Variants in RIN2 observed in about 807,000 individuals in gnomAD.
RIN2 encodes the protein RAB5 interacting protein 2.
A neutral mutation model predicts 78.0 loss-of-function variants in RIN2; 36 were observed. The observed-to-expected ratio is 0.46, with a 90% CI of 0.35 to 0.61. RIN2 has a LOEUF of 0.61. Ranked by LOEUF, RIN2 falls within the 20% of genes least tolerant of loss-of-function variation. RIN2 has a pLI of 0.00. For missense variants in RIN2, 1,087 were observed against 1,159.7 expected (o/e 0.94, Z 0.91); for synonymous variants, 466 against 466.8 (o/e 1.00, Z 0.02).
intron 2 of RIN2, among the ~76,000 whole-genome samples, chr20:19,871,662 C>T (rs1185099240): frequency 1.3e-5 from 2 of 152,162 alleles, no homozygotes; most frequent in Non-Finnish European, 2.9e-5. Context: ...AAATACTCAA[C>T]AAAGATAGAT....
intron 4 of RIN2, among the ~76,000 whole-genome samples, chr20:19,937,990 T>C (rs2040715223): frequency 6.6e-6 from 1 of 152,186 alleles, no homozygotes; most frequent in African/African-American, 2.4e-5. Flanking sequence ...AGTGCCCACC[T>C]CCCGTCCTGT....
intron 3 of RIN2, among the ~76,000 whole-genome samples, chr20:19,915,072 G>A (rs537067157): frequency 1.3e-5 from 2 of 152,298 alleles, no homozygotes; most frequent in South Asian, 2.1e-4. Flanking sequence ...AAGATGGAGC[G>A]AATCCCAGCA....
In RIN2 at chr20:19,990,277, C is replaced by T. The variant is rs1404965762; in HGVS notation, c.2034C>T (p.Cys678=). The stretch of plus-strand genomic sequence containing the variant: ...AGGTCATGCTGCTGCTGCGGGTCTG[C>T]AAGCTCATTTACACGGTCATGGAGA... The part of the protein sequence containing the change: ...EKKVMLLLRV[C]KLIYTVMENN... The change falls in exon 10 of 13, where the codon TGC becomes TGT. Residue 678 remains cysteine, a synonymous_variant. Coordinates refer to ENST00000255006, the MANE Select transcript of RIN2 (RefSeq NM_018993.4). 2 of 1,613,704 alleles carry T rather than the reference C, an allele frequency of 1.2e-6. No homozygotes were observed. Among genetic ancestry groups the T allele is most frequent in the Non-Finnish European group, 8.5e-7 (1 of 1,179,786 alleles).
chr20:19,829,892 A>T (rs1253697786), intron 2 of RIN2, among the ~76,000 whole-genome samples: 1 of 152,244 alleles, frequency 6.6e-6, no homozygotes, highest in South Asian at 2.1e-4. Flanking sequence ...CATTCCCTGC[A>T]TCACTCAGTT....
intron 2 of RIN2, among the ~76,000 whole-genome samples, chr20:19,825,220 T>G (rs1430561097): frequency 2.0e-5 from 3 of 152,206 alleles, no homozygotes; most frequent in South Asian, 2.1e-4. Flanking sequence ...ATATGCCTTG[T>G]GTAGTTAATC....
rs2042974520 is a variant in RIN2, at chr20:19,996,583, A to G, written c.2201-96A>G. Reference sequence around the variant, plus strand: ...GGAAATGCATGTTGAAGAAATACTAAAAATACAAAACATGCCTTCTAACGC... The same window carrying G: ...GGAAATGCATGTTGAAGAAATACTAGAAATACAAAACATGCCTTCTAACGC... On this transcript the variant is annotated intron_variant, in intron 11 of 12. Transcript: ENST00000255006. The G allele has an allele frequency of 1.2e-5, 15 of 1,299,496 alleles. No individual in the cohort carries two copies. The East Asian group carries it at 1.9e-4, about 16-fold the overall frequency. The allele number at this position is 1,299,496 out of a possible 1,614,324, so 80.5% of individuals were successfully genotyped here. A position where few individuals can be genotyped will look rare whatever the true frequency, so the allele number is the denominator to read the frequency against.
intron 3 of RIN2, among the ~76,000 whole-genome samples, chr20:19,897,631 C>T (rs2038790642): frequency 6.6e-6 from 1 of 152,114 alleles, no homozygotes; most frequent in Non-Finnish European, 1.5e-5. Flanking sequence ...GACTGTCTTC[C>T]CCCTTTTCCA....
At chr20:19,844,574 AGCT>A (rs67145587) in intron 2 of RIN2, among the ~76,000 whole-genome samples, 65,066 of 139,270 alleles carry the variant, frequency 0.47, 15,287 homozygotes, top group East Asian at 0.62. Context: ...CCAACTAGAG[AGCT>A]GCTGCTGCTG....
At chr20:19,847,078 C>G (rs1043156301) in intron 2 of RIN2, among the ~76,000 whole-genome samples, 1 of 152,110 alleles carries the variant, frequency 6.6e-6, no homozygotes. Flanking sequence ...TTGGGCAGAC[C>G]AAAATTAAAT....
intron 3 of RIN2, among the ~76,000 whole-genome samples, chr20:19,908,204 G>A: frequency 6.6e-6 from 1 of 152,026 alleles, no homozygotes; most frequent in Non-Finnish European, 1.5e-5. Flanking sequence ...TCAGAGTTTG[G>A]ACATCGGCCA....
intron 2 of RIN2, among the ~76,000 whole-genome samples, chr20:19,852,264 C>T (rs1281474576): frequency 1.3e-5 from 2 of 152,140 alleles, no homozygotes; most frequent in Admixed American, 6.5e-5. Context: ...AGGTGGGTAA[C>T]ATGACCAAGG....
chr20:19,977,552 A>G (rs2042318736), intron 9 of RIN2, among the ~76,000 whole-genome samples: 1 of 152,182 alleles, frequency 6.6e-6, no homozygotes, highest in African/African-American at 2.4e-5. Flanking sequence ...AGGCATCGTC[A>G]TCCCTTAAGG....
intron 2 of RIN2, among the ~76,000 whole-genome samples, chr20:19,828,932 C>T (rs2036174421): frequency 6.6e-6 from 1 of 152,084 alleles, no homozygotes; most frequent in South Asian, 2.1e-4. Context: ...TGGTTTGGCT[C>T]ATGTGAAGCC....
chr20:19,886,818 A>G (rs1467155206), intron 2 of RIN2: 1 of 1,314,362 alleles, frequency 7.6e-7, no homozygotes, highest in South Asian at 1.3e-5. Flanking sequence ...TGTTACTGGG[A>G]TGGTTTTAGG....
chr20:19,857,599 T>A (rs1396584971), intron 2 of RIN2, among the ~76,000 whole-genome samples: 2 of 152,222 alleles, frequency 1.3e-5, no homozygotes, highest in African/African-American at 2.4e-5. Flanking sequence ...CAACACCATA[T>A]GAGAGTTCCA....
chr20:19,789,303 C>A (rs2034811141), intron 1 of RIN2, among the ~76,000 whole-genome samples: 1 of 152,164 alleles, frequency 6.6e-6, no homozygotes, highest in East Asian at 1.9e-4. Context: ...AAAACTAAAA[C>A]AATTAACCTT....
In RIN2 at chr20:19,960,899, A is replaced by C. The variant is rs2041724722; in HGVS notation, c.463+88A>C. ...AAATGGAAGGAGCTCTGGTTATGAG[A>C]TGGGCAGATATGGGCCTGAGTCTTG... On this transcript the variant is annotated intron_variant, in intron 6 of 12. Coordinates refer to ENST00000255006, the MANE Select transcript of RIN2 (RefSeq NM_018993.4). 9 of 726,122 alleles carry C rather than the reference A, an allele frequency of 1.2e-5. No individual in the cohort carries two copies. In the South Asian group the frequency reaches 1.5e-4, roughly 12 times the overall value. The allele number at this position is 726,122 out of a possible 1,614,324, so 45.0% of individuals were successfully genotyped here.
intron 2 of RIN2, chr20:19,823,957 G>T (rs1336908105): frequency 2.7e-6 from 4 of 1,455,160 alleles, no homozygotes; most frequent in Non-Finnish European, 3.8e-6. Context: ...GGAGGCAGCT[G>T]GTGTCGGATG....
intron 1 of RIN2, among the ~76,000 whole-genome samples, chr20:19,764,080 A>T (rs1487932420): frequency 6.6e-6 from 1 of 152,178 alleles, no homozygotes; most frequent in South Asian, 2.1e-4. Flanking sequence ...GTCTTTTTTT[A>T]AGTAAGTTAA....
Sources: allele counts gnomAD v4.1 joint callset (sites outside exome capture counted in the v4.1 genomes callset), GRCh38; gene constraint gnomAD v4.1.1; transcripts MANE v1.5; gene names NCBI Gene and HGNC (gene_info 2026-07-23, HGNC 2026-07-21).